LRRC49: variants seen among roughly 807,000 people sequenced by gnomAD.
The protein encoded by LRRC49 is leucine-rich repeat-containing protein 49.
LRRC49 carries 50 observed loss-of-function variants against 83.3 expected under a neutral mutation model. The ratio of observed to expected loss-of-function variants is 0.60; its 90% CI spans 0.48 to 0.76. The LOEUF is 0.76. Among genes scored for constraint, LRRC49 ranks in the 30% least tolerant of loss-of-function variants. LRRC49 has a pLI of 0.00. For missense variants in LRRC49, 704 were observed against 809.1 expected (o/e 0.87, Z 1.58); for synonymous variants, 286 against 283.3 (o/e 1.01, Z -0.10).
At chr15:70,920,449 G>A (rs557942065) in intron 7 of LRRC49, among the ~76,000 whole-genome samples, 80 of 152,280 alleles carry the variant, frequency 5.3e-4, no homozygotes, top group Non-Finnish European at 9.6e-4. Context: ...TTATTTAGAA[G>A]ACATTCAGAT....
chr15:70,883,649 A>ATT (rs34016002), intron 2 of LRRC49, among the ~76,000 whole-genome samples: 5,324 of 143,806 alleles, frequency 0.037, 156 homozygotes, highest in Middle Eastern at 0.058. Context: ...GTGAAATGGA[A>ATT]TTTTTTTTTT....
intron 4 of LRRC49, among the ~76,000 whole-genome samples, chr15:70,904,130 T>C (rs890835078): frequency 2.0e-5 from 3 of 152,190 alleles, no homozygotes; most frequent in Non-Finnish European, 4.4e-5. Context: ...TTATATGTTT[T>C]TAACTCTGAT....
At chr15:70,878,274 A>G (rs1229189521) in intron 2 of LRRC49, among the ~76,000 whole-genome samples, 2 of 152,094 alleles carry the variant, frequency 1.3e-5, no homozygotes, top group Non-Finnish European at 2.9e-5. Flanking sequence ...TGATTTTTGC[A>G]TATTTGGTTT....
At chr15:70,986,259 C>T (rs1283646533) in intron 11 of LRRC49, among the ~76,000 whole-genome samples, 2 of 152,058 alleles carry the variant, frequency 1.3e-5, no homozygotes, top group African/African-American at 2.4e-5. Context: ...ATTCTTCCTA[C>T]CCATGAGCAT....
chr15:71,013,881 G>A (rs572078717), intron 14 of LRRC49, among the ~76,000 whole-genome samples: 16 of 152,244 alleles, frequency 1.1e-4, no homozygotes, highest in South Asian at 4.1e-4. Context: ...AGGACAACAG[G>A]AGACTGTTGT....
chr15:71,014,025 G>C (rs1336645360), intron 14 of LRRC49, among the ~76,000 whole-genome samples: 2 of 152,050 alleles, frequency 1.3e-5, no homozygotes, highest in Non-Finnish European at 2.9e-5. Context: ...TGAGTCTTTT[G>C]CATGCTACTC....
chr15:70,862,906 G>A (rs889167567), intron 1 of LRRC49, among the ~76,000 whole-genome samples: 3 of 152,094 alleles, frequency 2.0e-5, no homozygotes, highest in African/African-American at 7.2e-5. Flanking sequence ...TTCTTAGCAG[G>A]AGCAGGCATC....
chr15:70,990,631 G>A (rs367863604), intron 11 of LRRC49, among the ~76,000 whole-genome samples: 4 of 152,278 alleles, frequency 2.6e-5, no homozygotes, highest in East Asian at 1.9e-4. Context: ...TGCATGGTGC[G>A]CTGCACCCAC....
Position 70,960,680 on chromosome 15 carries a change from G to C in LRRC49, c.774-3105G>C, listed in dbSNP as rs555181048. 9.2e-5 allele frequency among the ~76,000 whole-genome samples: 14 copies of C among 152,258 alleles called. No individual in the cohort carries two copies. In the South Asian group the frequency reaches 2.3e-3, roughly 25 times the overall value. ...ATAAAGGAGCAAAAGCAATTCAATAGAGAAAGGATAGTCTTTTCAGCAAAT... is the reference window on the plus strand; with the variant it reads ...ATAAAGGAGCAAAAGCAATTCAATACAGAAAGGATAGTCTTTTCAGCAAAT... On this transcript the variant is annotated intron_variant, in intron 8 of 15. Coordinates refer to ENST00000260382, the MANE Select transcript of LRRC49 (RefSeq NM_017691.5).
rs150102951 is a variant in LRRC49, at chr15:70,917,508, G to C, written c.568-1542G>C. 3.3e-5 allele frequency among the ~76,000 whole-genome samples: 5 copies of C among 152,302 alleles called. No individual in the cohort carries two copies. In the East Asian group the frequency reaches 7.7e-4, roughly 24 times the overall value. On this transcript the variant is annotated intron_variant, in intron 6 of 15. Coordinates refer to ENST00000260382, the MANE Select transcript of LRRC49 (RefSeq NM_017691.5). ...TCTGTTGACAGCTGTAGAGACATTG[G>C]GATGACCATCTGCAGAGAGGAGCAA... is the stretch of plus-strand genomic sequence containing the variant.
At chr15:70,970,467 A>G (rs2036954884) in intron 9 of LRRC49, among the ~76,000 whole-genome samples, 1 of 152,112 alleles carries the variant, frequency 6.6e-6, no homozygotes, top group Non-Finnish European at 1.5e-5. Context: ...TGTCTCTGCC[A>G]GGATTTAGTA....
intron 11 of LRRC49, among the ~76,000 whole-genome samples, chr15:71,000,440 A>G (rs984148734): frequency 2.0e-5 from 3 of 152,224 alleles, no homozygotes; most frequent in Non-Finnish European, 4.4e-5. Flanking sequence ...GGTAAACAGT[A>G]TTTAAGTCTC....
intron 11 of LRRC49, among the ~76,000 whole-genome samples, chr15:70,987,716 A>G (rs368152717): frequency 1.3e-5 from 2 of 151,824 alleles, no homozygotes; most frequent in East Asian, 3.9e-4. Context: ...TAGTTCTTTT[A>G]ATTGTGATGT....
At chr15:70,859,393 G>A (rs367604586) in intron 1 of LRRC49, 1 of 759,854 alleles carries the variant, frequency 1.3e-6, no homozygotes, top group East Asian at 2.5e-5. Context: ...TCAGGCAGCT[G>A]TTTGAAGAGG....
intron 1 of LRRC49, chr15:70,859,569 A>C (rs963497746): frequency 4.5e-6 from 3 of 663,200 alleles, no homozygotes; most frequent in Non-Finnish European, 5.7e-6. Context: ...CAGATCAAGT[A>C]TGAGGAGCTG....
At position 71,049,572 on chromosome 15, in the gene LRRC49, A is replaced by C. The variant is rs139100909; in HGVS notation, c.2021A>C (p.Tyr674Ser). The change falls in exon 16 of 16, where the codon TAT becomes TCT. Residue 674 changes from tyrosine to serine, a missense_variant. Coordinates refer to ENST00000260382, the MANE Select transcript of LRRC49 (RefSeq NM_017691.5). ...AVIEIRNKNS[Y>S]MKLCLQQITD... is the part of the protein sequence containing the mutation. ...ATAGAAATTCGCAATAAAAATTCCTATATGAAGCTCTGCCTACAGCAGATA... is the reference window on the plus strand; with the variant it reads ...ATAGAAATTCGCAATAAAAATTCCTCTATGAAGCTCTGCCTACAGCAGATA... 3 of 1,614,056 alleles carry C rather than the reference A, an allele frequency of 1.9e-6. No homozygotes were observed. The highest frequency in any genetic ancestry group is 2.5e-6 in the Non-Finnish European group (3 of 1,179,922).
intron 14 of LRRC49, among the ~76,000 whole-genome samples, chr15:71,032,914 G>T (rs953063310): frequency 1.3e-5 from 2 of 152,088 alleles, no homozygotes; most frequent in Non-Finnish European, 2.9e-5. Flanking sequence ...CATACTGAAT[G>T]GTCAAAAGCT....
intron 8 of LRRC49, among the ~76,000 whole-genome samples, chr15:70,959,348 G>T (rs1002171697): frequency 2.6e-5 from 4 of 152,048 alleles, no homozygotes; most frequent in Non-Finnish European, 4.4e-5. Flanking sequence ...AGAATTAGCC[G>T]GGTGTGGTGG....
intron 1 of LRRC49, among the ~76,000 whole-genome samples, chr15:70,869,475 G>C (rs996073908): frequency 1.3e-5 from 2 of 152,184 alleles, no homozygotes; most frequent in African/African-American, 4.8e-5. Context: ...CTACTAGTGA[G>C]TGTCTATCAA....
Sources: gnomAD v4.1 joint callset for allele counts (sites outside exome capture counted in the v4.1 genomes callset) on GRCh38, gnomAD v4.1.1 for gene constraint, MANE v1.5 for transcripts, NCBI Gene and HGNC (gene_info 2026-07-23, HGNC 2026-07-21) for gene names.